ROBO2: variants seen among roughly 807,000 people sequenced by gnomAD.
The protein encoded by ROBO2 is roundabout guidance receptor 2.
A neutral mutation model predicts 160.8 loss-of-function variants in ROBO2; 53 were observed. The ratio of observed to expected loss-of-function variants is 0.33; its 90% CI spans 0.26 to 0.41. ROBO2 has a LOEUF of 0.41. Ranked by LOEUF, ROBO2 falls within the 10% of genes least tolerant of loss-of-function variation. The probability of loss-of-function intolerance (pLI) is 1.00; values close to 1 mark genes in which losing one functional copy is unlikely to be tolerated. For missense variants in ROBO2, 1,577 were observed against 1,722.4 expected (o/e 0.92, Z 1.49); for synonymous variants, 664 against 611.7 (o/e 1.09, Z -1.26).
intron 2 of ROBO2, among the ~76,000 whole-genome samples, chr3:76,956,471 G>C (rs866018792): frequency 2.0e-5 from 3 of 151,658 alleles, no homozygotes; most frequent in South Asian, 4.2e-4. Flanking sequence ...GCAGGAGAAT[G>C]GCGTGAATCC....
Position 77,008,156 on chromosome 3 carries a change from C to T in ROBO2, c.110-89858C>T, listed in dbSNP as rs181419912. ...ATTATGTTCTAAGAATATTACTCTA[C>T]GAATTGTTCCCCAGAAAAAAAGAAG... On this transcript the variant is annotated intron_variant, in intron 2 of 26. Coordinates refer to the ROBO2 transcript ENST00000487694. 2.4e-3 allele frequency among the ~76,000 whole-genome samples: 367 copies of T among 152,008 alleles called. 1 individual carries two copies. Among genetic ancestry groups the T allele is most frequent in the Non-Finnish European group, 3.0e-3 (206 of 67,904 alleles).
chr3:75,974,174 G>A (rs1222727884), intron 2 of ROBO2, among the ~76,000 whole-genome samples: 1 of 151,538 alleles, frequency 6.6e-6, no homozygotes, highest in African/African-American at 2.4e-5. Flanking sequence ...TGCGTTTGGT[G>A]AATACAAAAT....
intron 2 of ROBO2, among the ~76,000 whole-genome samples, chr3:76,240,105 C>T (rs2107510781): frequency 6.6e-6 from 1 of 152,236 alleles, no homozygotes; most frequent in South Asian, 2.1e-4. Flanking sequence ...GTAGTATTTA[C>T]AAGGCTTGAT....
At chr3:77,400,962 T>C (rs1177342701) in intron 2 of ROBO2, among the ~76,000 whole-genome samples, 2 of 151,904 alleles carry the variant, frequency 1.3e-5, no homozygotes, top group African/African-American at 4.9e-5. Context: ...ATACAATTTT[T>C]GTGTTCTTTT....
rs1186446264 is a variant in ROBO2 at position 76,484,453 on chromosome 3, AG to A, written c.109+546852del. ...GAATGCTCATCCCTTAAACTCAGTG[AG>A]TCCACAGTCAAGTGGGGAGTCGGCT... On this transcript the variant is annotated intron_variant, in intron 2 of 26. Coordinates refer to the ROBO2 transcript ENST00000487694. Among the ~76,000 whole-genome samples, 3 of 152,230 alleles carry A rather than the reference AG, an allele frequency of 2.0e-5. No homozygotes were observed. The East Asian group carries it at 5.8e-4, about 29-fold the overall frequency.
intron 2 of ROBO2, among the ~76,000 whole-genome samples, chr3:77,429,777 G>C (rs1271942332): frequency 6.6e-6 from 1 of 152,010 alleles, no homozygotes; most frequent in African/African-American, 2.4e-5. Context: ...TGTGATCACA[G>C]ATTGTGATCA....
In ROBO2 at chr3:76,662,268, A is replaced by C. The variant is rs181489894; in HGVS notation, c.110-435746A>C. On this transcript the variant is annotated intron_variant, in intron 2 of 26. Transcript: ENST00000487694. ...ATTTGGAAAGCTCTATTCTGAGGCC[A>C]CAGTTGTTCTTGCAAGTCAACTGAC... Among the ~76,000 whole-genome samples, 26 of 152,346 alleles carry C rather than the reference A, an allele frequency of 1.7e-4. No individual in the cohort carries two copies. In the East Asian group the frequency reaches 4.4e-3, roughly 26 times the overall value.
At chr3:76,579,764 A>T (rs1191353659) in intron 2 of ROBO2, among the ~76,000 whole-genome samples, 1 of 147,080 alleles carries the variant, frequency 6.8e-6, no homozygotes, top group Non-Finnish European at 1.5e-5. Flanking sequence ...CTTTCAAAAA[A>T]GCTATGACTT....
intron 2 of ROBO2, among the ~76,000 whole-genome samples, chr3:76,629,772 A>C (rs1279020795): frequency 6.6e-6 from 1 of 152,210 alleles, no homozygotes; most frequent in African/African-American, 2.4e-5. Flanking sequence ...GAATAAGTAC[A>C]TCTTTAGAGA....
At chr3:75,968,770 T>C in intron 2 of ROBO2, among the ~76,000 whole-genome samples, 1 of 108,912 alleles carries the variant, frequency 9.2e-6, no homozygotes, top group Non-Finnish European at 2.0e-5. Flanking sequence ...GCCACCATTC[T>C]ACTGTTTCTA....
At chr3:76,019,924 A>G (rs1479171839) in intron 2 of ROBO2, among the ~76,000 whole-genome samples, 2 of 151,656 alleles carry the variant, frequency 1.3e-5, no homozygotes, top group Non-Finnish European at 2.9e-5. Flanking sequence ...TGCATATCTG[A>G]GAATACTGTA....
intron 2 of ROBO2, among the ~76,000 whole-genome samples, chr3:76,162,763 T>C (rs1285440760): frequency 6.6e-6 from 1 of 152,276 alleles, no homozygotes; most frequent in Admixed American, 6.5e-5. Flanking sequence ...GATTCCAAAA[T>C]TGGGACATGT....
At chr3:76,415,761 G>A (rs1559911240) in intron 2 of ROBO2, among the ~76,000 whole-genome samples, 1 of 152,088 alleles carries the variant, frequency 6.6e-6, no homozygotes, top group Non-Finnish European at 1.5e-5. Context: ...CATCTTTTAT[G>A]CCACTTTCAT....
At chr3:77,596,563 C>A (rs564751256) in intron 18 of ROBO2, 60 bp from the exon 20 acceptor site, 3 of 1,599,948 alleles carry the variant, frequency 1.9e-6, no homozygotes, top group African/African-American at 2.7e-5. Context: ...TTGCATGAGA[C>A]GAGTGTCAAA....
intron 2 of ROBO2, among the ~76,000 whole-genome samples, chr3:77,191,925 T>C (rs2081892447): frequency 6.6e-6 from 1 of 152,174 alleles, no homozygotes; most frequent in Non-Finnish European, 1.5e-5. Flanking sequence ...ACATTATAAA[T>C]AACACTTTCC....
chr3:76,786,416 A>G (rs1217247113), intron 2 of ROBO2, among the ~76,000 whole-genome samples: 1 of 151,392 alleles, frequency 6.6e-6, no homozygotes, highest in Non-Finnish European at 1.5e-5. Flanking sequence ...CAGGAAACTT[A>G]CAGTGATGGC....
intron 2 of ROBO2, among the ~76,000 whole-genome samples, chr3:76,489,317 G>A (rs1264161060): frequency 1.3e-5 from 2 of 151,776 alleles, no homozygotes; most frequent in African/African-American, 4.8e-5. Context: ...AAAAATATCA[G>A]GATAAATGGA....
At chr3:76,998,167 A>G (rs997418944) in intron 2 of ROBO2, among the ~76,000 whole-genome samples, 5 of 152,138 alleles carry the variant, frequency 3.3e-5, no homozygotes, top group African/African-American at 1.2e-4. Flanking sequence ...GTACATAGTT[A>G]TTATACTGGC....
At chr3:77,449,200 T>A (rs4276161) in intron 2 of ROBO2, among the ~76,000 whole-genome samples, 93,987 of 151,912 alleles carry the variant, frequency 0.62, 29,343 homozygotes, top group East Asian at 0.71. Context: ...ATTAAAATTT[T>A]CCAAAGAAAA....
Sources: allele counts gnomAD v4.1 joint callset (sites outside exome capture counted in the v4.1 genomes callset), GRCh38; gene constraint gnomAD v4.1.1; transcripts MANE v1.5; gene names NCBI Gene and HGNC (gene_info 2026-07-23, HGNC 2026-07-21).